AATF: variants seen among roughly 807,000 people sequenced by gnomAD.
The protein encoded by AATF is protein AATF.
AATF carries 48 observed loss-of-function variants against 63.7 expected under a neutral mutation model. The ratio of observed to expected loss-of-function variants is 0.75; its 90% CI spans 0.60 to 0.96. The LOEUF is 0.96. AATF is among the 40% of genes least tolerant of loss of function. The pLI is 0.00. For missense variants in AATF, 639 were observed against 685.7 expected (o/e 0.93, Z 0.76); for synonymous variants, 258 against 247.7 (o/e 1.04, Z -0.39).
chr17:37,046,002 GA>G (rs2071687003), intron 11 of AATF: 1 of 152,058 alleles, frequency 6.6e-6, no homozygotes, highest in South Asian at 2.1e-4. Flanking sequence ...GACAGATTGA[GA>G]GCAGCCTTTT....
At chr17:37,008,826 C>T (rs1238172937) in intron 8 of AATF, among the ~76,000 whole-genome samples, 1 of 152,080 alleles carries the variant, frequency 6.6e-6, no homozygotes, top group Non-Finnish European at 1.5e-5. Context: ...CCAGTGTGAG[C>T]GACAAAGCAA....
intron 11 of AATF, among the ~76,000 whole-genome samples, chr17:37,049,881 G>A (rs1041936193): frequency 6.6e-6 from 1 of 152,170 alleles, no homozygotes; most frequent in Non-Finnish European, 1.5e-5. Context: ...GGAAGACAGA[G>A]AGAGAAGTAT....
At chr17:37,005,967 A>G (rs185639755) in intron 8 of AATF, among the ~76,000 whole-genome samples, 6 of 151,938 alleles carry the variant, frequency 3.9e-5, no homozygotes, top group African/African-American at 7.3e-5. Flanking sequence ...ATCTCTATAA[A>G]AAATAAACAG....
chr17:36,976,185 G>A (rs1324132676), intron 4 of AATF, among the ~76,000 whole-genome samples: 1 of 152,192 alleles, frequency 6.6e-6, no homozygotes, highest in African/African-American at 2.4e-5. Flanking sequence ...CTGTTTCCCA[G>A]ATAGTTTTGA....
chr17:36,949,021 G>C lies in AATF; in HGVS notation c.-105G>C. The C allele has an allele frequency of 9.1e-7, 1 of 1,097,562 alleles. No individual in the cohort carries two copies. The highest frequency in any genetic ancestry group is 2.7e-5 in the East Asian group (1 of 37,292). The allele number at this position is 1,097,562 out of a possible 1,614,324, so 68.0% of individuals were successfully genotyped here. On this transcript the variant is annotated 5_prime_UTR_variant, in exon 1 of 12. Transcript: ENST00000619387. ...CCGCGCGGTCTCTGGCGGAGTCGGGGAATCGGATCAAGGCGAGAGGATCCG... is the reference window on the plus strand; with the variant it reads ...CCGCGCGGTCTCTGGCGGAGTCGGGCAATCGGATCAAGGCGAGAGGATCCG...
chr17:37,049,398 C>G (rs187698657), intron 11 of AATF, among the ~76,000 whole-genome samples: 1 of 151,966 alleles, frequency 6.6e-6, no homozygotes. Context: ...GTCAGGAGAT[C>G]GAGACCATCC....
At chr17:37,037,200 A>AG (rs1204312667) in intron 11 of AATF, among the ~76,000 whole-genome samples, 3 of 151,788 alleles carry the variant, frequency 2.0e-5, no homozygotes, top group African/African-American at 7.3e-5. Context: ...TATTTTTAAT[A>AG]GAGGTGGGGT....
intron 4 of AATF, among the ~76,000 whole-genome samples, chr17:36,956,062 A>G (rs2070897409): frequency 6.6e-6 from 1 of 151,782 alleles, no homozygotes; most frequent in South Asian, 2.1e-4. Flanking sequence ...ACCATACTCA[A>G]CTCATTTAGT....
At chr17:36,974,378 T>C (rs2071063985) in intron 4 of AATF, among the ~76,000 whole-genome samples, 1 of 152,328 alleles carries the variant, frequency 6.6e-6, no homozygotes, top group South Asian at 2.1e-4. Flanking sequence ...GTTTAACCAG[T>C]TCTTTATTGT....
rs142666702 is a variant in AATF at position 37,019,016 on chromosome 17, A to G, written c.1410A>G (p.Glu470=). 27 of 1,614,050 alleles carry G rather than the reference A, an allele frequency of 1.7e-5. No individual in the cohort carries two copies. In the African/African-American group the frequency reaches 3.6e-4, roughly 22 times the overall value. Residue 470 remains glutamate (E), a synonymous_variant, in exon 9 of 12, where the codon GAA becomes GAG. Transcript: ENST00000619387. Reference sequence around the variant, plus strand: ...CCTTTTTCCCCTAGCTCCTTCGAGAACTCATAGAACGGAAGACCAGCTCCT... The same window carrying G: ...CCTTTTTCCCCTAGCTCCTTCGAGAGCTCATAGAACGGAAGACCAGCTCCT... ...DDDFYHQLLR[E]LIERKTSSLD...
intron 4 of AATF, among the ~76,000 whole-genome samples, chr17:36,982,809 G>A (rs922623492): frequency 6.6e-6 from 1 of 152,078 alleles, no homozygotes; most frequent in African/African-American, 2.4e-5. Flanking sequence ...ACCTTTTCAT[G>A]ATCCCAAACT....
chr17:36,974,775 T>C (rs1309275060), intron 4 of AATF, among the ~76,000 whole-genome samples: 1 of 152,202 alleles, frequency 6.6e-6, no homozygotes, highest in Non-Finnish European at 1.5e-5. Flanking sequence ...TATTGGTCCT[T>C]GCTATTTCTT....
At chr17:37,021,089 C>A (rs2071466548) in intron 10 of AATF, 75 bp downstream of exon 10, 4 of 1,106,770 alleles carry the variant, frequency 3.6e-6, no homozygotes, top group South Asian at 1.8e-5. Context: ...GCTGTTATGT[C>A]ATTTTTCTTT....
At chr17:37,010,757 C>T (rs973938515) in intron 8 of AATF, among the ~76,000 whole-genome samples, 2 of 152,126 alleles carry the variant, frequency 1.3e-5, no homozygotes, top group African/African-American at 4.8e-5. Flanking sequence ...CGTGGGAGGT[C>T]AGTGGCTAGG....
chr17:36,973,564 A>G (rs1016152729), intron 4 of AATF, among the ~76,000 whole-genome samples: 2 of 152,254 alleles, frequency 1.3e-5, no homozygotes, highest in Non-Finnish European at 2.9e-5. Context: ...CAGAAGGCTT[A>G]GAGCACAAGA....
intron 11 of AATF, among the ~76,000 whole-genome samples, chr17:37,048,367 T>C (rs2071713532): frequency 7.2e-6 from 1 of 138,774 alleles, no homozygotes; most frequent in Non-Finnish European, 1.6e-5. Flanking sequence ...TCTTTTCTTT[T>C]TTTTTTTTTT....
intron 11 of AATF, among the ~76,000 whole-genome samples, chr17:37,053,823 G>A (rs1298782904): frequency 2.6e-5 from 4 of 152,066 alleles, no homozygotes; most frequent in Non-Finnish European, 4.4e-5. Flanking sequence ...CCGAGATTGC[G>A]CCACTGCACT....
chr17:37,004,124 G>A (rs1240254386), intron 8 of AATF, among the ~76,000 whole-genome samples: 2 of 151,688 alleles, frequency 1.3e-5, no homozygotes, highest in Non-Finnish European at 2.9e-5. Context: ...GAGGTCAGGA[G>A]TTCAAGACCA....
At chr17:36,957,221 G>A (rs1386079935) in intron 4 of AATF, among the ~76,000 whole-genome samples, 1 of 152,138 alleles carries the variant, frequency 6.6e-6, no homozygotes, top group Non-Finnish European at 1.5e-5. Context: ...TGTGACCTTG[G>A]GCAAGTTACT....
Sources: gnomAD v4.1 joint callset for allele counts (sites outside exome capture counted in the v4.1 genomes callset) on GRCh38, gnomAD v4.1.1 for gene constraint, MANE v1.5 for transcripts, NCBI Gene and HGNC (gene_info 2026-07-23, HGNC 2026-07-21) for gene names.